Variants in CD200 observed in about 807,000 individuals in gnomAD.
CD200 encodes OX-2 membrane glycoprotein.
Under a neutral mutation model 30.9 loss-of-function variants are expected in CD200, and 15 were observed. The ratio of observed to expected loss-of-function variants is 0.49; its 90% confidence interval spans 0.32 to 0.75. The LOEUF (loss-of-function observed/expected upper bound fraction) is 0.75, where lower values mean the gene tolerates loss of function less well. CD200 is among the 30% of genes least tolerant of loss of function. The pLI, the probability that CD200 is intolerant of heterozygous loss-of-function variation, is 0.03. For synonymous variants in CD200, 134 were observed against 126.2 expected, an observed-to-expected ratio of 1.06 and a Z score of -0.41; for missense variants, 262 against 324.2, an observed-to-expected ratio of 0.81 and a Z score of 1.47.
At chr3:112,355,172 T>A (rs1027944364) in intron 5 of CD200, among the ~76,000 whole-genome samples, 4 of 152,198 alleles carry the variant, frequency 2.6e-5, no homozygotes, top group African/African-American at 9.6e-5. Context: ...GACAGCTGTT[T>A]ACTGACCTCC....
At chr3:112,345,328 C>G (rs1192164516) in intron 3 of CD200, 40 bp downstream of exon 3, 2 of 1,508,638 alleles carry the variant, frequency 1.3e-6, no homozygotes, top group African/African-American at 2.8e-5. Flanking sequence ...TCTGGAAATA[C>G]TATTTGCAAG....
chr3:112,357,682 G>A (rs2081653544), intron 5 of CD200, among the ~76,000 whole-genome samples: 2 of 152,160 alleles, frequency 1.3e-5, no homozygotes, highest in South Asian at 4.1e-4. Context: ...GGACACATGG[G>A]CATGCGTATT....
At chr3:112,356,772 A>G (rs1444804280) in intron 5 of CD200, among the ~76,000 whole-genome samples, 1 of 152,210 alleles carries the variant, frequency 6.6e-6, no homozygotes, top group African/African-American at 2.4e-5. Context: ...AGTCATTTTT[A>G]TTTGCAACAA....
In CD200 at chr3:112,347,935, G is replaced by A. The variant is rs2081438442; in HGVS notation, c.694+105G>A. 7 of 1,013,930 alleles carry A rather than the reference G, an allele frequency of 6.9e-6. No individual in the cohort carries two copies. In the East Asian group the frequency reaches 1.5e-4, roughly 21 times the overall value. 62.8% of individuals were successfully genotyped at this position (1,013,930 alleles called of 1,614,324 possible). ...TTCAGCCTCTTAGCATAATCTATTT[G>A]GAGAAAGAATGGGGCAAATAAGGAA... On this transcript the variant is annotated intron_variant, in intron 4 of 5. Coordinates refer to ENST00000315711, the MANE Select transcript of CD200 (RefSeq NM_005944.7).
intron 1 of CD200, among the ~76,000 whole-genome samples, chr3:112,337,489 T>A (rs1296576507): frequency 6.6e-6 from 1 of 151,990 alleles, no homozygotes; most frequent in Admixed American, 6.6e-5. Context: ...AGGAAGGCAA[T>A]GGAAATGAAT....
In CD200 at chr3:112,345,033, G is replaced by A; in HGVS notation, c.166G>A (p.Ala56Thr). The A allele has an allele frequency of 6.2e-7, 1 of 1,614,060 alleles. No homozygotes were observed. Among genetic ancestry groups the A allele is most frequent in the Non-Finnish European group, 8.5e-7 (1 of 1,179,986 alleles). Residue 56 changes from alanine to threonine, a missense_variant, in exon 3 of 6, where the codon GCC (alanine) becomes ACC (threonine). By Grantham distance (58) the Ala-to-Thr change is moderately conservative. Transcript: ENST00000315711. ...PASLKCSLQN[A>T]QEALIVTWQK... is the part of the protein sequence containing the mutation. ...TTCCTTAAAATGCTCTCTGCAAAAT[G>A]CCCAGGAAGCCCTCATTGTGACATG...
chr3:112,352,888 G>T (rs1381517502), intron 5 of CD200, among the ~76,000 whole-genome samples: 1 of 152,156 alleles, frequency 6.6e-6, no homozygotes, highest in Admixed American at 6.5e-5. Flanking sequence ...CATGACGTTG[G>T]TTTTTTCCAA....
chr3:112,349,594 G>A lies in CD200; in HGVS notation c.695-118G>A, dbSNP rs148341680. ...TTATTAAAATAATATGAAGTCATAC[G>A]TATAAACCTACATATGTATGTATTT... On this transcript the variant is annotated intron_variant, in intron 4 of 5. Transcript: ENST00000315711. 4.6e-4 allele frequency: 290 copies of A among 630,042 alleles called. 1 individual carries two copies. Among genetic ancestry groups the A allele is most frequent in the Non-Finnish European group, 6.3e-4 (245 of 391,580 alleles). 39.0% of individuals were successfully genotyped at this position (630,042 alleles called of 1,614,324 possible). A position where few individuals can be genotyped will look rare whatever the true frequency, so the allele number is the denominator to read the frequency against.
chr3:112,333,077 T>G, upstream of CD200: 2 of 1,312,506 alleles, frequency 1.5e-6, no homozygotes, highest in Non-Finnish European at 2.1e-6. Flanking sequence ...GAAAACGGAG[T>G]GGGAGAAGGG....
chr3:112,353,438 T>C (rs1280743493), intron 5 of CD200, among the ~76,000 whole-genome samples: 4 of 152,194 alleles, frequency 2.6e-5, no homozygotes, highest in Non-Finnish European at 5.9e-5. Context: ...TGTAGAAATA[T>C]GTTTTTCATC....
rs116041397 is a variant in CD200, at chr3:112,345,948, T to A, written c.421+660T>A. On this transcript the variant is annotated intron_variant, in intron 3 of 5. Coordinates refer to ENST00000315711, the MANE Select transcript of CD200 (RefSeq NM_005944.7). ...ACAGCTGAGATGAAAGGTTACGAAG[T>A]GAGAATAAGAGATTACTTTGGAGCA... 7.0e-3 allele frequency among the ~76,000 whole-genome samples: 1,062 copies of A among 152,254 alleles called. 9 individuals are homozygous for A. Among genetic ancestry groups the A allele is most frequent in the Non-Finnish European group, 0.011 (779 of 68,010 alleles).
chr3:112,333,716 G>T (rs1215102779), intron 1 of CD200: 1 of 985,292 alleles, frequency 1.0e-6, no homozygotes, highest in Non-Finnish European at 1.2e-6. Context: ...GAGCTCCTGC[G>T]TCTCCTCTTT....
chr3:112,358,479 G>C (rs1308024054), intron 5 of CD200, among the ~76,000 whole-genome samples: 1 of 143,442 alleles, frequency 7.0e-6, no homozygotes, highest in Admixed American at 7.0e-5. Flanking sequence ...CTGATTTCCT[G>C]CTAGTGCAGT....
chr3:112,338,745 C>T (rs2081174199), intron 1 of CD200, among the ~76,000 whole-genome samples: 1 of 144,580 alleles, frequency 6.9e-6, no homozygotes, highest in Non-Finnish European at 1.5e-5. Context: ...GTGTGAATAG[C>T]AGTTTGGTAA....
At chr3:112,335,838 C>G (rs576267427) in intron 1 of CD200, 3 of 821,044 alleles carry the variant, frequency 3.7e-6, no homozygotes, top group Non-Finnish European at 6.4e-6. Flanking sequence ...CATGACAGCT[C>G]TGGTGCTCAA....
intron 5 of CD200, among the ~76,000 whole-genome samples, chr3:112,358,368 G>T (rs1052635085): frequency 7.3e-5 from 4 of 54,470 alleles, no homozygotes; most frequent in South Asian, 1.4e-3. Context: ...AGAAATTTGT[G>T]GGGACCCACT....
At chr3:112,332,838 GCTAACA>G, upstream of CD200, 2 of 228,082 alleles carry the variant, frequency 8.8e-6, no homozygotes, top group Non-Finnish European at 1.7e-5. Flanking sequence ...TACATCAAGA[GCTAACA>G]GGTCAACAAC....
chr3:112,353,989 C>A (rs1393276028), intron 5 of CD200, among the ~76,000 whole-genome samples: 1 of 152,108 alleles, frequency 6.6e-6, no homozygotes. Flanking sequence ...AATTCCAGGG[C>A]TATTTTTCCG....
intron 1 of CD200, chr3:112,334,018 G>A (rs758778087): frequency 2.0e-6 from 2 of 985,356 alleles, no homozygotes; most frequent in Non-Finnish European, 2.4e-6. Context: ...TTCATGTATG[G>A]TTTGTTGGCA....
Sources: allele counts gnomAD v4.1 joint callset (sites outside exome capture counted in the v4.1 genomes callset), GRCh38; gene constraint gnomAD v4.1.1; transcripts MANE v1.5; gene names NCBI Gene and HGNC (gene_info 2026-07-23, HGNC 2026-07-21).